The following RASSF8 variants were observed in gnomAD, a reference collection of about 807,000 sequenced individuals.
RASSF8 encodes ras association domain-containing protein 8.
Under a neutral mutation model 48.5 loss-of-function variants are expected in RASSF8, and 22 were observed. The ratio of observed to expected loss-of-function variants is 0.45; its 90% confidence interval spans 0.32 to 0.65. The LOEUF (loss-of-function observed/expected upper bound fraction) is 0.65. Ranked by LOEUF, RASSF8 falls within the 30% of genes least tolerant of loss-of-function variation. The probability of loss-of-function intolerance (pLI) is 0.03; values close to 1 mark genes in which losing one functional copy is unlikely to be tolerated. For synonymous variants in RASSF8, 127 were observed against 171.5 expected (o/e 0.74, Z 2.03); for missense variants, 418 against 489.2 (o/e 0.85, Z 1.37).
At chr12:26,079,317 G>A (rs972358048) in exon 6 of RASSF8, 8 of 315,304 alleles carry the variant, frequency 2.5e-5, no homozygotes, top group Admixed American at 2.0e-4. Context: ...GGGCATGGTG[G>A]CTCACGCCTG....
chr12:26,021,960 A>G (rs978959024), intron 2 of RASSF8, among the ~76,000 whole-genome samples: 1 of 152,244 alleles, frequency 6.6e-6, no homozygotes, highest in South Asian at 2.1e-4. Flanking sequence ...TTTTAAGAGC[A>G]GTAGGCTAAA....
chr12:25,996,698 A>G (rs1039257482), intron 2 of RASSF8, among the ~76,000 whole-genome samples: 1 of 152,198 alleles, frequency 6.6e-6, no homozygotes, highest in Admixed American at 6.5e-5. Flanking sequence ...CCTTTAGCTT[A>G]CTGCTTTGTT....
At chr12:26,055,126 T>A in intron 2 of RASSF8, 110 bp from the exon 3 acceptor site, 1 of 522,600 alleles carries the variant, frequency 1.9e-6, no homozygotes, top group Non-Finnish European at 3.5e-6. Context: ...TAAGCCTGTG[T>A]ACTTCAGTAA....
chr12:26,074,392 G>T (rs937638799), downstream of RASSF8, among the ~76,000 whole-genome samples: 1 of 152,118 alleles, frequency 6.6e-6, no homozygotes, highest in Non-Finnish European at 1.5e-5. Context: ...GCCCAGGCTG[G>T]ACGGCAATGG....
chr12:26,032,642 A>C (rs1943053441), intron 2 of RASSF8, among the ~76,000 whole-genome samples: 1 of 152,210 alleles, frequency 6.6e-6, no homozygotes, highest in African/African-American at 2.4e-5. Flanking sequence ...AGGGAGTTTT[A>C]ACCCATGAAA....
intron 1 of RASSF8, among the ~76,000 whole-genome samples, chr12:25,970,480 C>T (rs898597603): frequency 6.6e-6 from 1 of 152,140 alleles, no homozygotes; most frequent in African/African-American, 2.4e-5. Flanking sequence ...GAAATTTTCT[C>T]CATCTTCCAT....
At chr12:26,045,946 C>T (rs1231836420) in intron 2 of RASSF8, among the ~76,000 whole-genome samples, 1 of 152,076 alleles carries the variant, frequency 6.6e-6, no homozygotes, top group Non-Finnish European at 1.5e-5. Flanking sequence ...GTGGCCCATA[C>T]CTATTCAGGT....
rs553721217 is a variant in RASSF8 at position 25,972,913 on chromosome 12, G to GT, written c.-203+13773dup. Among the ~76,000 whole-genome samples the GT allele has an allele frequency of 3.7e-4, 56 of 152,008 alleles. 1 individual carries two copies. Among genetic ancestry groups the GT allele is most frequent in the Non-Finnish European group, 6.0e-4 (41 of 67,950 alleles). ...CTAATGGCATCTCATAGTTTTGACT[G>GT]TTTTTTTTCCTTGTATAAATGAAAT... On this transcript the variant is annotated intron_variant, in intron 1 of 5. Coordinates refer to ENST00000689635, the MANE Select transcript of RASSF8 (RefSeq NM_001394098.1).
intron 1 of RASSF8, among the ~76,000 whole-genome samples, chr12:25,984,223 G>GA (rs1565604460): frequency 8.2e-6 from 1 of 122,224 alleles, no homozygotes; most frequent in African/African-American, 3.0e-5. Context: ...GCTACACGTA[G>GA]CTTTTTTTTT....
intron 1 of RASSF8, among the ~76,000 whole-genome samples, chr12:25,978,701 C>T (rs1328789191): frequency 6.7e-6 from 1 of 148,994 alleles, no homozygotes; most frequent in Non-Finnish European, 1.5e-5. Context: ...TTTTTTTTAA[C>T]CAGGGGCACG....
At chr12:26,016,640 T>A (rs982959777) in intron 2 of RASSF8, among the ~76,000 whole-genome samples, 2 of 152,182 alleles carry the variant, frequency 1.3e-5, no homozygotes, top group Non-Finnish European at 2.9e-5. Flanking sequence ...ATAAAATTTC[T>A]AAAAATCAAC....
chr12:26,003,864 T>A (rs1472365051), intron 2 of RASSF8, among the ~76,000 whole-genome samples: 1 of 152,118 alleles, frequency 6.6e-6, no homozygotes. Context: ...TAGTAAAAAA[T>A]ACATTTTCCA....
chr12:26,046,980 T>C (rs1258550084), intron 2 of RASSF8, among the ~76,000 whole-genome samples: 1 of 152,206 alleles, frequency 6.6e-6, no homozygotes, highest in Non-Finnish European at 1.5e-5. Context: ...CATAATTTAA[T>C]TGATGGCAGA....
intron 2 of RASSF8, among the ~76,000 whole-genome samples, chr12:26,050,832 A>G (rs1009599630): frequency 2.0e-5 from 3 of 152,206 alleles, no homozygotes; most frequent in African/African-American, 4.8e-5. Context: ...TTTTTCATAG[A>G]TTCTTTGAAT....
At chr12:25,970,323 G>C (rs960392397) in intron 1 of RASSF8, among the ~76,000 whole-genome samples, 1 of 151,984 alleles carries the variant, frequency 6.6e-6, no homozygotes, top group East Asian at 1.9e-4. Flanking sequence ...TCAGTTTCTC[G>C]GGATCAGTGT....
intron 2 of RASSF8, among the ~76,000 whole-genome samples, chr12:26,005,123 A>C (rs550696327): frequency 1.3e-5 from 2 of 152,126 alleles, no homozygotes; most frequent in Non-Finnish European, 2.9e-5. Flanking sequence ...AAATGTGTAC[A>C]TATAACGTGT....
intron 1 of RASSF8, among the ~76,000 whole-genome samples, chr12:25,961,191 A>G (rs567516203): frequency 8.5e-5 from 13 of 152,348 alleles, no homozygotes; most frequent in Admixed American, 5.2e-4. Context: ...GTTGATGTAT[A>G]TAATGACTTG....
intron 2 of RASSF8, among the ~76,000 whole-genome samples, chr12:26,031,517 G>C (rs1943030185): frequency 6.6e-6 from 1 of 152,184 alleles, no homozygotes. Flanking sequence ...CCAACTGAGG[G>C]CAGGGTCAGA....
chr12:26,036,838 C>T (rs1036740385), intron 2 of RASSF8, among the ~76,000 whole-genome samples: 1 of 152,052 alleles, frequency 6.6e-6, no homozygotes, highest in Non-Finnish European at 1.5e-5. Flanking sequence ...ATCACTTGAA[C>T]CCAGGAGGCA....
Sources: allele counts gnomAD v4.1 joint callset (sites outside exome capture counted in the v4.1 genomes callset), GRCh38; gene constraint gnomAD v4.1.1; transcripts MANE v1.5; gene names NCBI Gene and HGNC (gene_info 2026-07-23, HGNC 2026-07-21).